Variants in THRB observed in about 807,000 individuals in gnomAD.
THRB encodes the protein nuclear receptor subfamily 1 group A member 2.
Under a neutral mutation model 47.8 loss-of-function variants are expected in THRB, and 12 were observed. The ratio of observed to expected loss-of-function variants is 0.25; its 90% CI spans 0.16 to 0.41. The LOEUF (loss-of-function observed/expected upper bound fraction) is 0.41. Ranked by LOEUF, THRB falls within the 10% of genes least tolerant of loss-of-function variation. THRB has a pLI of 1.00. For missense variants in THRB, 348 were observed against 589.2 expected, an observed-to-expected ratio of 0.59 and a Z score of 4.24; for synonymous variants, 218 against 212.2, an observed-to-expected ratio of 1.03 and a Z score of -0.24.
At chr3:24,244,528 T>C (rs2049912628) in intron 3 of THRB, among the ~76,000 whole-genome samples, 2 of 152,188 alleles carry the variant, frequency 1.3e-5, no homozygotes, top group African/African-American at 2.4e-5. Context: ...TGGCTTTCCT[T>C]AATAACTTCC....
chr3:24,464,337 A>G (rs2073960349), intron 1 of THRB, among the ~76,000 whole-genome samples: 1 of 152,208 alleles, frequency 6.6e-6, no homozygotes, highest in Admixed American at 6.5e-5. Flanking sequence ...ATAAAAATAA[A>G]TCTATGTCAT....
At chr3:24,475,738 C>T (rs928942028) in intron 1 of THRB, among the ~76,000 whole-genome samples, 2 of 152,056 alleles carry the variant, frequency 1.3e-5, no homozygotes, top group Non-Finnish European at 2.9e-5. Flanking sequence ...AAAATTTCCC[C>T]CAAAACACAT....
At chr3:24,380,316 G>T (rs1049963368) in intron 1 of THRB, among the ~76,000 whole-genome samples, 5 of 151,706 alleles carry the variant, frequency 3.3e-5, no homozygotes, top group African/African-American at 4.8e-5. Context: ...ATAACTTCCA[G>T]ATTTCTCAGT....
At chr3:24,152,899 T>C (rs1037579491) in intron 5 of THRB, among the ~76,000 whole-genome samples, 2 of 150,888 alleles carry the variant, frequency 1.3e-5, no homozygotes, top group Non-Finnish European at 2.9e-5. Context: ...GAGGCAGAGG[T>C]TGCAGTGAGC....
chr3:24,190,012 C>A (rs1266117140), intron 5 of THRB, 62 bp downstream of exon 5: 2 of 1,518,558 alleles, frequency 1.3e-6, no homozygotes, highest in Non-Finnish European at 1.8e-6. Flanking sequence ...TACACAGCTA[C>A]AACAGGGATA....
chr3:24,228,652 A>G (rs1175479834), intron 4 of THRB, among the ~76,000 whole-genome samples: 11 of 149,172 alleles, frequency 7.4e-5, no homozygotes, highest in Non-Finnish European at 1.6e-4. Flanking sequence ...AAAAAAAAAA[A>G]GGAAAAAAAA....
intron 4 of THRB, among the ~76,000 whole-genome samples, chr3:24,209,041 TCTCAA>T (rs2045723074): frequency 6.6e-6 from 1 of 152,170 alleles, no homozygotes; most frequent in South Asian, 2.1e-4. Flanking sequence ...AACAGACTCT[TCTCAA>T]AAGAAGACAT....
At chr3:24,454,860 A>G (rs1382625050) in intron 1 of THRB, among the ~76,000 whole-genome samples, 2 of 152,182 alleles carry the variant, frequency 1.3e-5, no homozygotes, top group South Asian at 2.1e-4. Context: ...CCTTTCCACG[A>G]TCACAAAGAT....
chr3:24,355,908 T>G (rs1451423092), intron 1 of THRB, among the ~76,000 whole-genome samples: 3 of 152,302 alleles, frequency 2.0e-5, no homozygotes, highest in East Asian at 3.9e-4. Context: ...ATTCCAATGG[T>G]TCCCCAAGTC....
intron 1 of THRB, among the ~76,000 whole-genome samples, chr3:24,457,008 T>C (rs1479576163): frequency 6.6e-6 from 1 of 152,100 alleles, no homozygotes; most frequent in Non-Finnish European, 1.5e-5. Context: ...CTAATTGTGT[T>C]CCTAATTAAG....
intron 1 of THRB, among the ~76,000 whole-genome samples, chr3:24,418,578 C>T (rs1224218977): frequency 6.6e-6 from 1 of 151,872 alleles, no homozygotes; most frequent in Non-Finnish European, 1.5e-5. Flanking sequence ...AATGGTTCTC[C>T]CACTTCACAT....
At chr3:24,472,187 G>C (rs1414822850) in intron 1 of THRB, among the ~76,000 whole-genome samples, 1 of 152,124 alleles carries the variant, frequency 6.6e-6, no homozygotes, top group African/African-American at 2.4e-5. Flanking sequence ...AGTCCAGTCT[G>C]TCCACCAAGG....
intron 3 of THRB, among the ~76,000 whole-genome samples, chr3:24,246,263 G>A (rs2050102662): frequency 1.3e-5 from 2 of 152,246 alleles, no homozygotes; most frequent in South Asian, 4.1e-4. Flanking sequence ...AATTCCGTAG[G>A]GTCCTGGTCA....
chr3:24,334,511 T>A (rs1166928458), intron 2 of THRB, among the ~76,000 whole-genome samples: 3 of 152,224 alleles, frequency 2.0e-5, no homozygotes, highest in Non-Finnish European at 4.4e-5. Context: ...AAATCCCAAA[T>A]TAAAGAAAGG....
intron 4 of THRB, among the ~76,000 whole-genome samples, chr3:24,193,212 C>A (rs2043558747): frequency 6.6e-6 from 1 of 152,206 alleles, no homozygotes. Flanking sequence ...AAAGCTCACA[C>A]AAATGGGATA....
chr3:24,157,157 G>T (rs1467987010), intron 5 of THRB, among the ~76,000 whole-genome samples: 1 of 152,064 alleles, frequency 6.6e-6, no homozygotes, highest in Admixed American at 6.6e-5. Context: ...TGCCCCAGGG[G>T]CTCCCACTTC....
chr3:24,471,530 C>A (rs111921732), intron 1 of THRB, among the ~76,000 whole-genome samples: 5 of 152,220 alleles, frequency 3.3e-5, no homozygotes, highest in South Asian at 2.1e-4. Flanking sequence ...CCCACCATTC[C>A]AGTCCCTCAA....
chr3:24,130,663 G>A, intron 9 of THRB, among the ~76,000 whole-genome samples: 1 of 152,120 alleles, frequency 6.6e-6, no homozygotes, highest in African/African-American at 2.4e-5. Flanking sequence ...CAAGAGTGAG[G>A]GGAAACAAGC....
chr3:24,425,156 A>G lies in THRB; in HGVS notation c.-261+69496T>C, dbSNP rs187197611. Reference sequence around the variant, plus strand: ...TTGGGATCAGTTTTCAAGATGTGGTATTGCTGGATCAAAGCATACAGTGGC... The same window carrying G: ...TTGGGATCAGTTTTCAAGATGTGGTGTTGCTGGATCAAAGCATACAGTGGC... On this transcript the variant is annotated intron_variant, in intron 1 of 10. Coordinates refer to ENST00000646209, the MANE Select transcript of THRB (RefSeq NM_001354712.2). Among the ~76,000 whole-genome samples the G allele has an allele frequency of 8.7e-3, 1,322 of 151,962 alleles. 10 individuals are homozygous for G. Among genetic ancestry groups the G allele is most frequent in the Middle Eastern group, 0.014 (4 of 294 alleles).
Sources: gnomAD v4.1 joint callset for allele counts (sites outside exome capture counted in the v4.1 genomes callset) on GRCh38, gnomAD v4.1.1 for gene constraint, MANE v1.5 for transcripts, NCBI Gene and HGNC (gene_info 2026-07-23, HGNC 2026-07-21) for gene names.